C11orf52: variants seen among roughly 807,000 people sequenced by gnomAD.
C11orf52 encodes the protein uncharacterized protein C11orf52.
C11orf52 carries 9 observed loss-of-function variants against 11.7 expected under a neutral mutation model. The observed-to-expected ratio is 0.77, with a 90% CI of 0.46 to 1.34. The LOEUF (loss-of-function observed/expected upper bound fraction) is 1.34, where lower values mean the gene tolerates loss of function less well. Among genes scored for constraint, C11orf52 ranks in the 40% most tolerant of loss-of-function variants. The pLI is 0.00. For synonymous variants in C11orf52, 49 were observed against 57.4 expected, an observed-to-expected ratio of 0.85 and a Z score of 0.66; for missense variants, 139 against 154.8, an observed-to-expected ratio of 0.90 and a Z score of 0.54.
chr11:111,921,986 C>T (rs1461796792), intron 1 of C11orf52, among the ~76,000 whole-genome samples: 1 of 152,210 alleles, frequency 6.6e-6, no homozygotes, highest in African/African-American at 2.4e-5. Flanking sequence ...GTGCGTGCCA[C>T]CACGCCCAGC....
intron 1 of C11orf52, among the ~76,000 whole-genome samples, chr11:111,921,357 A>G (rs587659144): frequency 1.3e-5 from 2 of 152,352 alleles, no homozygotes; most frequent in East Asian, 3.9e-4. Flanking sequence ...TGAAGGTCCA[A>G]CATTTGGTAA....
At chr11:111,925,878 C>T in intron 3 of C11orf52, 82 bp from the exon 4 acceptor site, 2 of 1,596,102 alleles carry the variant, frequency 1.3e-6, no homozygotes, top group Non-Finnish European at 1.7e-6. Flanking sequence ...AGCGAAGGGA[C>T]ATCAGTTGAC....
At chr11:111,919,080 T>A in intron 1 of C11orf52, 76 bp downstream of exon 1, 2 of 1,531,078 alleles carry the variant, frequency 1.3e-6, no homozygotes, top group Non-Finnish European at 1.8e-6. Flanking sequence ...TCAGAGGACC[T>A]GGAGATAGTT....
In C11orf52 at chr11:111,918,988, T is replaced by C. The variant is rs140110474; in HGVS notation, c.16T>C (p.Cys6Arg). ...ACAGAGCGCCATGGGAAACCGGGTCTGCTGCGGAGGAAGCTGGTGAGTAGG... is the reference window on the plus strand; with the variant it reads ...ACAGAGCGCCATGGGAAACCGGGTCCGCTGCGGAGGAAGCTGGTGAGTAGG... Reference protein sequence around the residue: MGNRVCCGGSWSCPST... With the variant: MGNRVRCGGSWSCPST... Residue 6 changes from cysteine (C) to arginine (R), a missense_variant, in exon 1 of 4, where the codon TGC becomes CGC. By Grantham distance (180) the Cys-to-Arg change is radical (BLOSUM62 -3). Coordinates refer to ENST00000278601, the MANE Select transcript of C11orf52 (RefSeq NM_080659.3). The C allele has an allele frequency of 4.3e-6, 7 of 1,614,108 alleles. No individual in the cohort carries two copies. The highest frequency in any genetic ancestry group is 2.2e-5 in the East Asian group (1 of 44,900).
At chr11:111,921,838 ATT>A (rs34183951) in intron 1 of C11orf52, among the ~76,000 whole-genome samples, 9 of 148,178 alleles carry the variant, frequency 6.1e-5, no homozygotes, top group East Asian at 2.0e-4. Context: ...TATCATACTC[ATT>A]TTTTTTTTTT....
At chr11:111,919,422 G>A (rs935898622) in intron 1 of C11orf52, among the ~76,000 whole-genome samples, 3 of 152,072 alleles carry the variant, frequency 2.0e-5, no homozygotes, top group Non-Finnish European at 2.9e-5. Flanking sequence ...GCAGTGAGCC[G>A]AGATCGCGCC....
chr11:111,922,691 C>G (rs981434227), intron 1 of C11orf52, among the ~76,000 whole-genome samples: 3 of 152,158 alleles, frequency 2.0e-5, no homozygotes, highest in Non-Finnish European at 2.9e-5. Flanking sequence ...TTTCTTTAGT[C>G]AGTTACCAAA....
rs782088394 is a variant in C11orf52 at position 111,925,953 on chromosome 11, C to T, written c.133-7C>T. Reference sequence around the variant, plus strand: ...GAATCTCCCTTAATGCTATCCATTCCTCGCAGGGCCATGAAACAACAGGAC... The same window carrying T: ...GAATCTCCCTTAATGCTATCCATTCTTCGCAGGGCCATGAAACAACAGGAC... On this transcript the variant is annotated splice_polypyrimidine_tract_variant and splice_region_variant and intron_variant, in intron 3 of 3. Transcript: ENST00000278601. 1.2e-6 allele frequency: 2 copies of T among 1,614,164 alleles called. No homozygotes were observed. The highest frequency in any genetic ancestry group is 1.3e-5 in the African/African-American group (1 of 75,034).
intron 1 of C11orf52, chr11:111,919,207 G>A (rs1965647122): frequency 3.2e-6 from 2 of 621,100 alleles, no homozygotes; most frequent in African/African-American, 1.9e-5. Context: ...GGGCGCGGTG[G>A]CTCACGCCTC....
intron 1 of C11orf52, among the ~76,000 whole-genome samples, chr11:111,922,959 G>A (rs1367407936): frequency 6.6e-6 from 1 of 152,202 alleles, no homozygotes; most frequent in African/African-American, 2.4e-5. Flanking sequence ...CATCGCCTGT[G>A]TATCTAAATG....
chr11:111,921,147 T>C (rs1965691805), intron 1 of C11orf52, among the ~76,000 whole-genome samples: 1 of 152,244 alleles, frequency 6.6e-6, no homozygotes, highest in Non-Finnish European at 1.5e-5. Flanking sequence ...TATATTTAGA[T>C]AGACAAGTGA....
rs140110474 is a variant in C11orf52 at position 111,918,988 on chromosome 11, T to A, written c.16T>A (p.Cys6Ser). The change falls in exon 1 of 4, where the codon TGC (cysteine) becomes AGC (serine). Residue 6 changes from cysteine to serine, a missense_variant. By Grantham distance (112) the Cys-to-Ser change is moderately radical. Transcript: ENST00000278601. Reference protein sequence around the residue: MGNRVCCGGSWSCPST... With the variant: MGNRVSCGGSWSCPST... ...ACAGAGCGCCATGGGAAACCGGGTCTGCTGCGGAGGAAGCTGGTGAGTAGG... is the reference window on the plus strand; with the variant it reads ...ACAGAGCGCCATGGGAAACCGGGTCAGCTGCGGAGGAAGCTGGTGAGTAGG... 11 of 1,614,108 alleles carry A rather than the reference T, an allele frequency of 6.8e-6. No individual in the cohort carries two copies. In the Admixed American group the frequency reaches 1.2e-4, roughly 17 times the overall value.
At position 111,924,363 on chromosome 11, in the gene C11orf52, G is replaced by C; in HGVS notation, c.70G>C (p.Gly24Arg). 6.2e-7 allele frequency: 1 copy of C among 1,612,748 alleles called. No homozygotes were observed. The highest frequency in any genetic ancestry group is 8.5e-7 in the Non-Finnish European group (1 of 1,179,250). The change falls in exon 2 of 4, where the codon GGA (glycine) becomes CGA (arginine). Residue 24 changes from glycine to arginine, a missense_variant and splice_region_variant. By Grantham distance (125) the Gly-to-Arg change is moderately radical. Coordinates refer to ENST00000278601, the MANE Select transcript of C11orf52 (RefSeq NM_080659.3). The part of the protein sequence containing the change: ...PSTFQKKKKT[G>R]SQTRRTLKPQ... ...AACTTTCCAGAAGAAAAAGAAAACA[G>C]GTAACTTTGGGGCTGGGGGAGGGAA...
rs146610119 is a variant in C11orf52 at position 111,920,239 on chromosome 11, T to A, written c.32+1235T>A. Among the ~76,000 whole-genome samples, 360 of 151,462 alleles carry A rather than the reference T, an allele frequency of 2.4e-3. 2 individuals carry two copies. The highest frequency in any genetic ancestry group is 3.6e-3 in the African/African-American group (149 of 41,292). On this transcript the variant is annotated intron_variant, in intron 1 of 3. Coordinates refer to ENST00000278601, the MANE Select transcript of C11orf52 (RefSeq NM_080659.3). ...ATAGAATAAAATAAAATAAAATAAA[T>A]TAAAGGGCAGAAGTGGTCGGATGCA...
chr11:111,925,943 C>G lies in C11orf52; in HGVS notation c.133-17C>G, dbSNP rs782781686. The G allele has an allele frequency of 4.3e-6, 7 of 1,614,062 alleles. No homozygotes were observed. The highest frequency in any genetic ancestry group is 5.9e-6 in the Non-Finnish European group (7 of 1,179,956). The stretch of plus-strand genomic sequence containing the variant: ...ACCAAGCCATGAATCTCCCTTAATG[C>G]TATCCATTCCTCGCAGGGCCATGAA... On this transcript the variant is annotated splice_polypyrimidine_tract_variant and intron_variant, in intron 3 of 3. Coordinates refer to ENST00000278601, the MANE Select transcript of C11orf52 (RefSeq NM_080659.3).
chr11:111,919,015 TG>T lies in C11orf52; in HGVS notation c.32+13del. On this transcript the variant is annotated intron_variant, in intron 1 of 3. Transcript: ENST00000278601. ...CTGCGGAGGAAGCTGGTGAGTAGGC[TG>T]GAAGGGCAAAGGGGAACATCTATCT... is the stretch of plus-strand genomic sequence containing the variant. 1 of 1,614,148 alleles carries T rather than the reference TG, an allele frequency of 6.2e-7. No homozygotes were observed. The highest frequency in any genetic ancestry group is 8.5e-7 in the Non-Finnish European group (1 of 1,180,024).
At chr11:111,924,398 G>A in intron 2 of C11orf52, 35 bp downstream of exon 2, 1 of 1,580,856 alleles carries the variant, frequency 6.3e-7, no homozygotes, top group Non-Finnish European at 8.7e-7. Flanking sequence ...ATCTGGGGGA[G>A]GCAAATTAGA....
At chr11:111,920,538 GAA>G (rs782071149) in intron 1 of C11orf52, among the ~76,000 whole-genome samples, 1 of 143,974 alleles carries the variant, frequency 6.9e-6, no homozygotes, top group Non-Finnish European at 1.5e-5. Context: ...ACTATGTCTT[GAA>G]AAAAAAAAAG....
chr11:111,919,216 T>C (rs1965647285), intron 1 of C11orf52: 1 of 598,348 alleles, frequency 1.7e-6, no homozygotes, highest in Non-Finnish European at 3.0e-6. Flanking sequence ...GGCTCACGCC[T>C]CTACTCCCAG....
Sources: gnomAD v4.1 joint callset for allele counts (sites outside exome capture counted in the v4.1 genomes callset) on GRCh38, gnomAD v4.1.1 for gene constraint, MANE v1.5 for transcripts, NCBI Gene and HGNC (gene_info 2026-07-23, HGNC 2026-07-21) for gene names.